MTUS2: variants seen among roughly 807,000 people sequenced by gnomAD.
MTUS2 encodes the protein microtubule associated scaffold protein 2, also known as microtubule-associated tumor suppressor candidate 2.
Under a neutral mutation model 114.1 loss-of-function variants are expected in MTUS2, and 40 were observed. The observed-to-expected ratio is 0.35, with a 90% CI of 0.27 to 0.46. The LOEUF is 0.46. Ranked by LOEUF, MTUS2 falls within the 20% of genes least tolerant of loss-of-function variation. The pLI, the probability that MTUS2 is intolerant of heterozygous loss-of-function variation, is 1.00. For synonymous variants in MTUS2, 688 were observed against 672.0 expected (o/e 1.02, Z -0.37); for missense variants, 1,679 against 1,705.4 (o/e 0.98, Z 0.27).
At chr13:29,307,882 C>G (rs529596237) in intron 6 of MTUS2, 7 of 568,044 alleles carry the variant, frequency 1.2e-5, no homozygotes, top group South Asian at 3.8e-5. Flanking sequence ...GAGAATCCCC[C>G]CTCCTCAGAG....
chr13:28,879,458 TG>T (rs999313869), intron 2 of MTUS2, among the ~76,000 whole-genome samples: 81 of 152,110 alleles, frequency 5.3e-4, no homozygotes, highest in African/African-American at 1.7e-3. Context: ...CAGGGCCTGG[TG>T]GGGGGGCTCC....
chr13:29,061,443 T>C (rs913423302), intron 4 of MTUS2, among the ~76,000 whole-genome samples: 1 of 152,208 alleles, frequency 6.6e-6, no homozygotes, highest in African/African-American at 2.4e-5. Context: ...CAAAAGTTGT[T>C]CTTACTCAGT....
intron 5 of MTUS2, among the ~76,000 whole-genome samples, chr13:29,224,694 C>T (rs753758880): frequency 2.6e-5 from 4 of 152,124 alleles, no homozygotes; most frequent in Non-Finnish European, 5.9e-5. Flanking sequence ...TCATGTAGTG[C>T]TTTTTGCTGT....
At chr13:29,310,338 G>T (rs1402905949) in intron 6 of MTUS2, among the ~76,000 whole-genome samples, 1 of 152,166 alleles carries the variant, frequency 6.6e-6, no homozygotes, top group East Asian at 1.9e-4. Flanking sequence ...CCTCTTCATT[G>T]TGTCTTTTAC....
intron 2 of MTUS2, among the ~76,000 whole-genome samples, chr13:28,897,179 C>T (rs1160812656): frequency 6.6e-6 from 1 of 152,160 alleles, no homozygotes; most frequent in African/African-American, 2.4e-5. Flanking sequence ...TATCCAGAAT[C>T]TACAATGAAC....
chr13:28,925,993 C>T (rs1212216435), intron 2 of MTUS2, among the ~76,000 whole-genome samples: 6 of 152,162 alleles, frequency 3.9e-5, no homozygotes, highest in African/African-American at 1.4e-4. Context: ...AAATGCTGTA[C>T]GCTTATATTT....
At chr13:28,965,799 A>C (rs1055415562) in intron 2 of MTUS2, among the ~76,000 whole-genome samples, 2 of 152,190 alleles carry the variant, frequency 1.3e-5, no homozygotes, top group East Asian at 3.9e-4. Flanking sequence ...TGAGGACCTC[A>C]ATCTTTTTCT....
At chr13:29,044,129 A>G (rs1182039605) in intron 4 of MTUS2, among the ~76,000 whole-genome samples, 1 of 152,050 alleles carries the variant, frequency 6.6e-6, no homozygotes, top group East Asian at 1.9e-4. Flanking sequence ...TTCTTTTAAC[A>G]TTTATTGTAG....
At chr13:29,185,319 G>C (rs934144720) in intron 5 of MTUS2, among the ~76,000 whole-genome samples, 1 of 152,160 alleles carries the variant, frequency 6.6e-6, no homozygotes, top group Non-Finnish European at 1.5e-5. Context: ...ATGCAAATGG[G>C]CGTCCCACAA....
intron 2 of MTUS2, 68 bp downstream of exon 2, chr13:28,839,918 ATGT>A (rs1875352371): frequency 6.7e-6 from 1 of 149,114 alleles, no homozygotes. Flanking sequence ...TGTCTCTCAA[ATGT>A]TGTTTACTTC....
At chr13:29,247,670 C>G (rs1896976444) in intron 5 of MTUS2, among the ~76,000 whole-genome samples, 1 of 152,174 alleles carries the variant, frequency 6.6e-6, no homozygotes, top group Non-Finnish European at 1.5e-5. Context: ...CACTAATTAT[C>G]AGGGAAATGC....
chr13:29,207,805 T>C (rs1238652022), intron 5 of MTUS2, among the ~76,000 whole-genome samples: 1 of 152,170 alleles, frequency 6.6e-6, no homozygotes, highest in Non-Finnish European at 1.5e-5. Context: ...CTTTTTTATT[T>C]GCTGTTGGAT....
intron 2 of MTUS2, among the ~76,000 whole-genome samples, chr13:28,878,403 G>A (rs141912301): frequency 1.2e-4 from 18 of 152,028 alleles, no homozygotes; most frequent in Admixed American, 2.0e-4. Context: ...AACATGTGCC[G>A]TGGTGGTTTG....
At chr13:29,492,036 T>TGTA (rs1882174847) in intron 11 of MTUS2, among the ~76,000 whole-genome samples, 1 of 116,896 alleles carries the variant, frequency 8.6e-6, no homozygotes, top group Non-Finnish European at 1.8e-5. Context: ...GTGTGTAGTG[T>TGTA]GTGTGTATGT....
In MTUS2 at chr13:28,909,224, T is replaced by A. The variant is rs553608281; in HGVS notation, c.-243+69374T>A. On this transcript the variant is annotated intron_variant, in intron 2 of 15. Transcript: ENST00000612955. ...TAAAGTAGTTTTTTCCAATTCTGTG[T>A]AGCAAGTCATTGGTAGCTTAATGGG... Among the ~76,000 whole-genome samples the A allele has an allele frequency of 1.6e-4, 24 of 151,270 alleles. 2 individuals are homozygous for A. The highest frequency in any genetic ancestry group is 5.1e-4 in the African/African-American group (21 of 40,862).
At position 29,502,981 on chromosome 13, in the gene MTUS2, G is replaced by A. The variant is rs1183345609; in HGVS notation, c.3897-12G>A. On this transcript the variant is annotated splice_polypyrimidine_tract_variant and intron_variant, in intron 15 of 15. Coordinates refer to ENST00000612955, the MANE Select transcript of MTUS2 (RefSeq NM_001033602.4). The stretch of plus-strand genomic sequence containing the variant: ...GCATGATTGCTACTTATTTGTCATT[G>A]TGCCCATGCAGACAGCTGTCGGAGG... The A allele has an allele frequency of 1.9e-6, 3 of 1,613,188 alleles. No individual in the cohort carries two copies. Among genetic ancestry groups the A allele is most frequent in the Admixed American group, 3.3e-5 (2 of 59,942 alleles).
intron 8 of MTUS2, among the ~76,000 whole-genome samples, chr13:29,390,559 A>AGGAT (rs778188937): frequency 6.6e-6 from 1 of 150,506 alleles, no homozygotes; most frequent in Non-Finnish European, 1.5e-5. Flanking sequence ...AGGCTGAGGC[A>AGGAT]GGAGAATCGC....
intron 2 of MTUS2, among the ~76,000 whole-genome samples, chr13:28,891,576 G>T (rs1008652220): frequency 2.6e-5 from 4 of 152,022 alleles, no homozygotes; most frequent in African/African-American, 9.7e-5. Flanking sequence ...AGGAGAAGAT[G>T]AAATAAATAA....
intron 1 of MTUS2, among the ~76,000 whole-genome samples, chr13:28,825,493 G>C (rs1225986469): frequency 6.6e-6 from 1 of 152,146 alleles, no homozygotes; most frequent in African/African-American, 2.4e-5. Context: ...GTTGGTTAGG[G>C]TTTGAGGAGG....
Sources: allele counts gnomAD v4.1 joint callset (sites outside exome capture counted in the v4.1 genomes callset), GRCh38; gene constraint gnomAD v4.1.1; transcripts MANE v1.5; gene names NCBI Gene and HGNC (gene_info 2026-07-23, HGNC 2026-07-21).